The following NDRG3 variants were observed in gnomAD, a reference collection of about 807,000 sequenced individuals.
The protein encoded by NDRG3 is NDRG family member 3, also known as protein NDRG3.
NDRG3 carries 23 observed loss-of-function variants against 57.2 expected under a neutral mutation model. That is an observed-to-expected ratio of 0.40 (90% CI 0.29 to 0.57). The LOEUF (loss-of-function observed/expected upper bound fraction) is 0.57. Ranked by LOEUF, NDRG3 falls within the 20% of genes least tolerant of loss-of-function variation. The pLI is 0.42. For missense variants in NDRG3, 384 were observed against 457.3 expected, an observed-to-expected ratio of 0.84 and a Z score of 1.46; for synonymous variants, 132 against 162.6, an observed-to-expected ratio of 0.81 and a Z score of 1.43.
intron 3 of NDRG3, among the ~76,000 whole-genome samples, chr20:36,703,146 T>C (rs1280281269): frequency 1.3e-5 from 2 of 152,112 alleles, no homozygotes; most frequent in Admixed American, 1.3e-4. Context: ...AAATAAGTGT[T>C]ATTTATCTAA....
intron 2 of NDRG3, among the ~76,000 whole-genome samples, chr20:36,713,648 G>T (rs1041766231): frequency 2.6e-5 from 4 of 152,134 alleles, no homozygotes; most frequent in African/African-American, 9.7e-5. Context: ...GATTTTGGGT[G>T]AATTTACCTG....
In NDRG3 at chr20:36,653,880, C is replaced by A. The variant is rs149540890; in HGVS notation, c.947-179G>T. ...TCTAGGTGAGTGGCGATATGTGAGGCCACTTTAATCCTTTAGATCTGGTTG... is the reference window on the plus strand; with the variant it reads ...TCTAGGTGAGTGGCGATATGTGAGGACACTTTAATCCTTTAGATCTGGTTG... On this transcript the variant is annotated intron_variant, in intron 15 of 15. Coordinates refer to ENST00000349004, the MANE Select transcript of NDRG3 (RefSeq NM_032013.4). This position sits in a 1 kb window ranked among gnomAD's most constrained non-coding sequence, Gnocchi z 4.2. 1.3e-5 allele frequency among the ~76,000 whole-genome samples: 2 copies of A among 152,280 alleles called. No individual in the cohort carries two copies. The highest frequency in any genetic ancestry group is 1.9e-4 in the East Asian group (1 of 5,180).
intron 3 of NDRG3, among the ~76,000 whole-genome samples, chr20:36,691,594 T>C (rs1372282425): frequency 6.6e-6 from 1 of 152,046 alleles, no homozygotes; most frequent in Non-Finnish European, 1.5e-5. Flanking sequence ...GTGCCTGTAA[T>C]CCCAGCTACT....
intron 1 of NDRG3, among the ~76,000 whole-genome samples, chr20:36,736,357 T>A (rs923505729): frequency 2.0e-5 from 3 of 152,196 alleles, no homozygotes; most frequent in Non-Finnish European, 4.4e-5. Context: ...TGGTTTACAG[T>A]AATGCCCTCA....
intron 12 of NDRG3, among the ~76,000 whole-genome samples, chr20:36,661,042 C>T (rs1002297025): frequency 2.6e-5 from 4 of 152,202 alleles, no homozygotes; most frequent in Admixed American, 2.0e-4. Flanking sequence ...TGGACTGGAC[C>T]GTGGGTCCTC....
chr20:36,734,417 C>T (rs996424135), intron 1 of NDRG3, among the ~76,000 whole-genome samples: 11 of 152,224 alleles, frequency 7.2e-5, no homozygotes, highest in African/African-American at 1.4e-4. Flanking sequence ...CCACTCCGCA[C>T]TGAACATGTC....
chr20:36,692,356 T>G (rs1160577329), intron 3 of NDRG3, among the ~76,000 whole-genome samples: 1 of 152,202 alleles, frequency 6.6e-6, no homozygotes, highest in Non-Finnish European at 1.5e-5. Flanking sequence ...CCCAAGTAGC[T>G]GGGACTACAG....
intron 8 of NDRG3, among the ~76,000 whole-genome samples, chr20:36,676,443 GTTT>G (rs750067036): frequency 6.2e-4 from 94 of 151,902 alleles, no homozygotes; most frequent in Non-Finnish European, 1.1e-3. Context: ...CCTAAAAAGT[GTTT>G]TTGTTTGTTT....
At chr20:36,730,721 G>T (rs890363459) in intron 1 of NDRG3, among the ~76,000 whole-genome samples, 3 of 152,046 alleles carry the variant, frequency 2.0e-5, no homozygotes, top group Admixed American at 2.0e-4. Context: ...GCCGAGATGG[G>T]AGAATTATTT....
At chr20:36,670,649 G>A (rs560940335) in intron 9 of NDRG3, among the ~76,000 whole-genome samples, 11 of 152,184 alleles carry the variant, frequency 7.2e-5, no homozygotes, top group East Asian at 1.9e-4. Flanking sequence ...ATCAGTACTC[G>A]ATAAATGCTA....
At chr20:36,657,061 C>T (rs1048279090) in intron 13 of NDRG3, among the ~76,000 whole-genome samples, 5 of 152,144 alleles carry the variant, frequency 3.3e-5, no homozygotes, top group Non-Finnish European at 5.9e-5. Flanking sequence ...GTTATTCTCA[C>T]GTGTGCAAGG....
chr20:36,671,436 A>G (rs747683134), intron 8 of NDRG3, 39 bp from the exon 9 acceptor site: 2 of 1,536,512 alleles, frequency 1.3e-6, no homozygotes, highest in African/African-American at 2.7e-5. Flanking sequence ...ATGTAAGCAT[A>G]TGCAAAAATT....
At chr20:36,744,873 C>T (rs1247704439) in intron 1 of NDRG3, among the ~76,000 whole-genome samples, 2 of 151,894 alleles carry the variant, frequency 1.3e-5, no homozygotes, top group African/African-American at 4.8e-5. Flanking sequence ...GCTCTGTCAC[C>T]TCCAAGTCCA....
At chr20:36,703,498 G>C (rs1444671090) in intron 3 of NDRG3, among the ~76,000 whole-genome samples, 2 of 151,930 alleles carry the variant, frequency 1.3e-5, no homozygotes, top group African/African-American at 4.8e-5. Flanking sequence ...GAGAAAGACT[G>C]GGGTCTCACT....
chr20:36,683,728 A>G (rs544318292), intron 6 of NDRG3, among the ~76,000 whole-genome samples: 4 of 151,866 alleles, frequency 2.6e-5, no homozygotes, highest in African/African-American at 7.2e-5. Context: ...AAAAATATAT[A>G]TAACTGAAAC....
chr20:36,693,478 T>C (rs1045254115), intron 3 of NDRG3, among the ~76,000 whole-genome samples: 1 of 151,672 alleles, frequency 6.6e-6, no homozygotes, highest in Non-Finnish European at 1.5e-5. Flanking sequence ...TATGTTATAT[T>C]ATAAACTGCA....
intron 15 of NDRG3, among the ~76,000 whole-genome samples, chr20:36,655,134 G>A (rs1033270983): frequency 6.6e-6 from 1 of 152,254 alleles, no homozygotes; most frequent in South Asian, 2.1e-4. Flanking sequence ...GAATGGACTA[G>A]GAGAGGGCCT....
chr20:36,693,072 C>CAA lies in NDRG3; in HGVS notation c.94-4290_94-4289dup, dbSNP rs1166724972. Among the ~76,000 whole-genome samples the CAA allele has an allele frequency of 4.4e-4, 2 of 4,532 alleles. 1 individual carries two copies. Among genetic ancestry groups the CAA allele is most frequent in the African/African-American group, 1.5e-3 (2 of 1,304 alleles). The allele number at this position is 4,532 out of a possible 152,430, so 3.0% of individuals were successfully genotyped here. A position where few individuals can be genotyped will look rare whatever the true frequency, so the allele number is the denominator to read the frequency against. On this transcript the variant is annotated intron_variant, in intron 3 of 15. Transcript: ENST00000349004. ...CCGGGGTGACAGCAAGACCCTGTCT[C>CAA]AAAAAAAAAAAAAAAAAAAAAAAAA...
At chr20:36,724,052 G>C (rs140734542) in intron 1 of NDRG3, among the ~76,000 whole-genome samples, 27 of 152,212 alleles carry the variant, frequency 1.8e-4, no homozygotes, top group African/African-American at 5.5e-4. Context: ...TCTAGAGATA[G>C]AATGACATGA....
Sources: gnomAD v4.1 joint callset for allele counts (sites outside exome capture counted in the v4.1 genomes callset) on GRCh38, gnomAD v4.1.1 for gene constraint, Gnocchi (gnomAD v3.1) non-coding constraint, MANE v1.5 for transcripts, NCBI Gene and HGNC (gene_info 2026-07-23, HGNC 2026-07-21) for gene names.